SEMA3E: variants seen among roughly 807,000 people sequenced by gnomAD.
The protein encoded by SEMA3E is semaphorin 3E.
A neutral mutation model predicts 93.6 loss-of-function variants in SEMA3E; 49 were observed. That is an observed-to-expected ratio of 0.52 (90% CI 0.42 to 0.66). SEMA3E has a LOEUF of 0.66. Among genes scored for constraint, SEMA3E ranks in the 30% least tolerant of loss-of-function variants. The pLI is 0.00. For missense variants in SEMA3E, 906 were observed against 964.8 expected, an observed-to-expected ratio of 0.94 and a Z score of 0.81; for synonymous variants, 363 against 330.7, an observed-to-expected ratio of 1.10 and a Z score of -1.06.
In SEMA3E at chr7:83,444,872, C is replaced by T. The variant is rs974445771; in HGVS notation, c.456+21610G>A. Among the ~76,000 whole-genome samples, 15 of 152,046 alleles carry T rather than the reference C, an allele frequency of 9.9e-5. No individual in the cohort carries two copies. The East Asian group carries it at 1.4e-3, about 14-fold the overall frequency. Reference sequence around the variant, plus strand: ...TTTTAGTAGAGATGGGATTTTGCCACGTTGGCCAGGCTGGTCTCAAACTCC... The same window carrying T: ...TTTTAGTAGAGATGGGATTTTGCCATGTTGGCCAGGCTGGTCTCAAACTCC... On this transcript the variant is annotated intron_variant, in intron 4 of 16. Coordinates refer to ENST00000643230, the MANE Select transcript of SEMA3E (RefSeq NM_012431.3).
intron 4 of SEMA3E, among the ~76,000 whole-genome samples, chr7:83,434,709 C>CTTTTTTT (rs76539180): frequency 1.3e-4 from 16 of 120,216 alleles, no homozygotes; most frequent in East Asian, 3.1e-4. Context: ...AACTGTATTT[C>CTTTTTTT]TTTTTTTTTT....
At chr7:83,454,385 G>C (rs998767708) in intron 4 of SEMA3E, among the ~76,000 whole-genome samples, 17 of 150,850 alleles carry the variant, frequency 1.1e-4, no homozygotes, top group African/African-American at 4.1e-4. Context: ...AATTTCAGGG[G>C]TTTAGAATTG....
rs369210004 is a variant in SEMA3E at position 83,516,945 on chromosome 7, T to TTATATATA, written c.116-26679_116-26672dup. On this transcript the variant is annotated intron_variant, in intron 1 of 16. Transcript: ENST00000643230. ...TTTATTGAGTATATATAGCATATAT[T>TTATATATA]TATATATATATATGTATATAAAATA... 7.1e-3 allele frequency among the ~76,000 whole-genome samples: 1,053 copies of TTATATATA among 148,510 alleles called. 8 individuals are homozygous for TTATATATA. The highest frequency in any genetic ancestry group is 0.062 in the Middle Eastern group (17 of 274).
intron 6 of SEMA3E, 45 bp downstream of exon 6, chr7:83,408,323 A>T: frequency 6.2e-7 from 1 of 1,611,858 alleles, no homozygotes; most frequent in South Asian, 1.1e-5. Flanking sequence ...TAAGTTTTAG[A>T]GTTGATTTCA....
intron 4 of SEMA3E, among the ~76,000 whole-genome samples, chr7:83,428,835 G>A (rs74767945): frequency 5.9e-5 from 9 of 151,978 alleles, no homozygotes; most frequent in Middle Eastern, 3.2e-3. Flanking sequence ...TCATCCTCAC[G>A]GTAAACCTGT....
At chr7:83,441,062 T>C (rs1028555106) in intron 4 of SEMA3E, among the ~76,000 whole-genome samples, 10 of 152,178 alleles carry the variant, frequency 6.6e-5, no homozygotes, top group South Asian at 2.1e-4. Flanking sequence ...AGCAGAGACA[T>C]AGTGAGATTA....
chr7:83,400,124 A>G lies in SEMA3E; in HGVS notation c.1270T>C (p.Leu424=). The change falls in exon 11 of 17, where the codon TTG becomes CTG. Residue 424 remains leucine (L), a synonymous_variant. Transcript: ENST00000643230. ...AIKPAHKKPI[L]VKTDGKYNLK... ...TTATATTTTCCATCTGTTTTTACCAATATTGGTTTTTTATGGGCAGGTTTT... is the reference window on the plus strand; with the variant it reads ...TTATATTTTCCATCTGTTTTTACCAGTATTGGTTTTTTATGGGCAGGTTTT... 1 of 1,613,872 alleles carries G rather than the reference A, an allele frequency of 6.2e-7. No homozygotes were observed. Among genetic ancestry groups the G allele is most frequent in the Non-Finnish European group, 8.5e-7 (1 of 1,179,958 alleles).
At chr7:83,388,083 G>T (rs1380773794) in intron 14 of SEMA3E, among the ~76,000 whole-genome samples, 1 of 148,412 alleles carries the variant, frequency 6.7e-6, no homozygotes, top group Non-Finnish European at 1.5e-5. Flanking sequence ...GGCCAAGACG[G>T]GTGGATCATG....
At chr7:83,587,229 C>A (rs1792648277) in intron 1 of SEMA3E, among the ~76,000 whole-genome samples, 1 of 151,964 alleles carries the variant, frequency 6.6e-6, no homozygotes, top group South Asian at 2.1e-4. Flanking sequence ...AGAATTTTAA[C>A]CAATTTGAGG....
rs1403062223 is a variant in SEMA3E, at chr7:83,548,755, A to G, written c.116-58481T>C. Among the ~76,000 whole-genome samples, 5 of 152,224 alleles carry G rather than the reference A, an allele frequency of 3.3e-5. No homozygotes were observed. The East Asian group carries it at 9.7e-4, about 29-fold the overall frequency. ...ACACTAATATGTTGTTCCTAAATACACCACGCAGCCTTTTCCTCTTAGGTA... is the reference window on the plus strand; with the variant it reads ...ACACTAATATGTTGTTCCTAAATACGCCACGCAGCCTTTTCCTCTTAGGTA... On this transcript the variant is annotated intron_variant, in intron 1 of 16. Coordinates refer to ENST00000643230, the MANE Select transcript of SEMA3E (RefSeq NM_012431.3).
chr7:83,463,692 G>A (rs1489924612), intron 4 of SEMA3E, among the ~76,000 whole-genome samples: 1 of 152,062 alleles, frequency 6.6e-6, no homozygotes, highest in Non-Finnish European at 1.5e-5. Context: ...AGCAAAGGCA[G>A]GTTATACTAT....
chr7:83,639,540 G>T (rs150596620), intron 1 of SEMA3E, among the ~76,000 whole-genome samples: 276 of 150,672 alleles, frequency 1.8e-3, no homozygotes, highest in Non-Finnish European at 3.2e-3. Context: ...CATCCCCAAG[G>T]GTCTTACAAA....
At chr7:83,525,188 T>C (rs1175172641) in intron 1 of SEMA3E, among the ~76,000 whole-genome samples, 2 of 152,156 alleles carry the variant, frequency 1.3e-5, no homozygotes, top group African/African-American at 4.8e-5. Context: ...TGGCATTTTC[T>C]GTTGCCTCCT....
chr7:83,449,312 C>T (rs1422433493), intron 4 of SEMA3E, among the ~76,000 whole-genome samples: 1 of 151,974 alleles, frequency 6.6e-6, no homozygotes, highest in Non-Finnish European at 1.5e-5. Flanking sequence ...GTTGTCCAGG[C>T]TGGTCTCAAA....
intron 1 of SEMA3E, among the ~76,000 whole-genome samples, chr7:83,532,007 A>G (rs1791310947): frequency 6.6e-6 from 1 of 152,158 alleles, no homozygotes; most frequent in Admixed American, 6.5e-5. Flanking sequence ...CATGTGATAA[A>G]CGTGACTTTT....
In SEMA3E at chr7:83,399,406, T is replaced by C. The variant is rs78312548; in HGVS notation, c.1366+622A>G. On this transcript the variant is annotated intron_variant, in intron 11 of 16. Transcript: ENST00000643230. ...TTTGTTTTATTAATGCAGGATATTA[T>C]TGGTAACATTTGGCCTGCTTGGTAC... Among the ~76,000 whole-genome samples the C allele has an allele frequency of 8.7e-3, 1,328 of 152,290 alleles. 9 individuals carry two copies. Among genetic ancestry groups the C allele is most frequent in the Non-Finnish European group, 0.014 (951 of 68,036 alleles).
chr7:83,363,859 C>CTTTTT lies in SEMA3E; in HGVS notation c.*3726_*3727insAAAAA, dbSNP rs1562743425. On this transcript the variant is annotated 3_prime_UTR_variant, in exon 17 of 17. Coordinates refer to ENST00000643230, the MANE Select transcript of SEMA3E (RefSeq NM_012431.3). ...AGGCTACAGGTGTCACAGGTCAATT[C>CTTTTT]ATTTTTTTTTTTTTTTTTTTTTTTT... The CTTTTT allele has an allele frequency of 5.0e-5, 5 of 100,558 alleles. 1 individual carries two copies. The highest frequency in any genetic ancestry group is 1.9e-4 in the African/African-American group (4 of 21,430). 6.2% of individuals were successfully genotyped at this position (100,558 alleles called of 1,614,324 possible).
At chr7:83,586,130 T>C (rs574831484) in intron 1 of SEMA3E, among the ~76,000 whole-genome samples, 1 of 152,248 alleles carries the variant, frequency 6.6e-6, no homozygotes, top group African/African-American at 2.4e-5. Context: ...TAGCCTAAAG[T>C]CAATGACAAA....
At chr7:83,493,054 T>TTAA (rs1161331848) in intron 1 of SEMA3E, among the ~76,000 whole-genome samples, 2 of 152,008 alleles carry the variant, frequency 1.3e-5, no homozygotes, top group Non-Finnish European at 2.9e-5. Flanking sequence ...TCTTCACCTG[T>TTAA]TAATCACCCT....
Sources: allele counts gnomAD v4.1 joint callset (sites outside exome capture counted in the v4.1 genomes callset), GRCh38; gene constraint gnomAD v4.1.1; transcripts MANE v1.5; gene names NCBI Gene and HGNC (gene_info 2026-07-23, HGNC 2026-07-21).